Variants in GRAMD1C observed in about 807,000 individuals in gnomAD.
GRAMD1C encodes GRAM domain containing 1C.
A neutral mutation model predicts 97.8 loss-of-function variants in GRAMD1C; 89 were observed. The ratio of observed to expected loss-of-function variants is 0.91; its 90% confidence interval spans 0.77 to 1.09. GRAMD1C has a LOEUF of 1.09. Ranked by LOEUF, GRAMD1C falls within the 50% of genes least tolerant of loss-of-function variation. The probability of loss-of-function intolerance (pLI) is 0.00; values close to 1 mark genes in which losing one functional copy is unlikely to be tolerated. For synonymous variants in GRAMD1C, 256 were observed against 267.0 expected (o/e 0.96, Z 0.40); for missense variants, 740 against 766.4 (o/e 0.97, Z 0.41).
chr3:113,915,629 GA>G, intron 9 of GRAMD1C, 71 bp from the exon 10 acceptor site: 1 of 1,237,596 alleles, frequency 8.1e-7, no homozygotes, highest in Non-Finnish European at 1.1e-6. Flanking sequence ...AAAACCCCAC[GA>G]AACCCCCTAA....
At chr3:113,885,261 G>A in intron 6 of GRAMD1C, 1 of 1,268,558 alleles carries the variant, frequency 7.9e-7, no homozygotes, top group Non-Finnish European at 1.1e-6. Flanking sequence ...GCTGGGCCGT[G>A]GGGGCCTCCG....
rs76656944 is a variant in GRAMD1C at position 113,881,217 on chromosome 3, C to T, written c.460-1535C>T. ...TCGCCCAGGCTGGAATGCAGTGGCG[C>T]GATCCTAGCTCGCTGCAACCTCCGC... is the stretch of plus-strand genomic sequence containing the variant. On this transcript the variant is annotated intron_variant, in intron 5 of 17. Transcript: ENST00000358160. Among the ~76,000 whole-genome samples the T allele has an allele frequency of 4.7e-3, 713 of 152,256 alleles. 6 individuals are homozygous for T. Among genetic ancestry groups the T allele is most frequent in the African/African-American group, 0.016 (675 of 41,548 alleles).
intron 1 of GRAMD1C, among the ~76,000 whole-genome samples, chr3:113,833,110 TTC>T (rs2108060148): frequency 7.3e-6 from 1 of 137,552 alleles, no homozygotes; most frequent in African/African-American, 2.7e-5. Flanking sequence ...TTTTCTTTCT[TTC>T]TTTCTTTCTT....
At chr3:113,913,196 T>C in intron 9 of GRAMD1C, 2 of 681,858 alleles carry the variant, frequency 2.9e-6, no homozygotes, top group Non-Finnish European at 4.6e-6. Context: ...TTGTTTTCTC[T>C]TTCTCACCTG....
intron 14 of GRAMD1C, among the ~76,000 whole-genome samples, 170 bp from the exon 15 acceptor site, chr3:113,937,908 GGCAGGAAA>G (rs1409853647): frequency 6.6e-6 from 1 of 152,006 alleles, no homozygotes; most frequent in Non-Finnish European, 1.5e-5. Context: ...AGGAGGCTGA[GGCAGGAAA>G]ATTGCTTGAA....
chr3:113,849,088 G>A (rs1309088570), intron 2 of GRAMD1C, among the ~76,000 whole-genome samples: 1 of 152,028 alleles, frequency 6.6e-6, no homozygotes, highest in Non-Finnish European at 1.5e-5. Context: ...AGGCAAGGCA[G>A]ACAAAGATCT....
intron 2 of GRAMD1C, among the ~76,000 whole-genome samples, chr3:113,861,147 A>G (rs142295882): frequency 8.5e-5 from 13 of 152,230 alleles, no homozygotes; most frequent in African/African-American, 3.1e-4. Flanking sequence ...CATGCAAAGG[A>G]ATGAATTTGG....
intron 2 of GRAMD1C, among the ~76,000 whole-genome samples, chr3:113,846,646 T>C (rs1933624706): frequency 6.6e-6 from 1 of 152,204 alleles, no homozygotes; most frequent in African/African-American, 2.4e-5. Context: ...CCAGCAGATT[T>C]GGCATCATCT....
At chr3:113,913,328 C>T (rs1305820654) in intron 9 of GRAMD1C, among the ~76,000 whole-genome samples, 1 of 149,310 alleles carries the variant, frequency 6.7e-6, no homozygotes, top group African/African-American at 2.5e-5. Context: ...AGTTCGAGAC[C>T]AGTCTGGCCA....
Position 113,857,567 on chromosome 3 carries a change from G to A in GRAMD1C, c.175-11940G>A, listed in dbSNP as rs1361416738. On this transcript the variant is annotated intron_variant, in intron 2 of 17. Coordinates refer to ENST00000358160, the MANE Select transcript of GRAMD1C (RefSeq NM_017577.5). ...ATTTTTTTGTATTTTTAGTAGGGAC[G>A]GGGTTTCACCGTGTTAGCCAGGATG... Among the ~76,000 whole-genome samples the A allele has an allele frequency of 5.3e-5, 8 of 152,034 alleles. No individual in the cohort carries two copies. In the East Asian group the frequency reaches 9.7e-4, roughly 18 times the overall value.
intron 15 of GRAMD1C, chr3:113,938,740 C>T (rs898403372): frequency 6.6e-6 from 1 of 152,214 alleles, no homozygotes; most frequent in African/African-American, 2.4e-5. Context: ...TAGGAATCCA[C>T]TCAGCCAGTC....
chr3:113,861,043 C>A (rs543290907), intron 2 of GRAMD1C, among the ~76,000 whole-genome samples: 2 of 149,878 alleles, frequency 1.3e-5, no homozygotes, highest in Admixed American at 6.6e-5. Flanking sequence ...CAGAAATAAA[C>A]CCTTAAGTTT....
chr3:113,879,621 A>G (rs1935183637), intron 5 of GRAMD1C, among the ~76,000 whole-genome samples: 1 of 148,150 alleles, frequency 6.7e-6, no homozygotes, highest in African/African-American at 2.5e-5. Context: ...ACAGTTCTCC[A>G]TGTCATCCCC....
At chr3:113,834,902 T>C (rs1402929305), upstream of GRAMD1C, among the ~76,000 whole-genome samples, 2 of 150,568 alleles carry the variant, frequency 1.3e-5, no homozygotes, top group Non-Finnish European at 2.9e-5. Context: ...GTCGTGCCAT[T>C]GCACTCTAGC....
At chr3:113,846,189 C>T (rs1385129613) in intron 2 of GRAMD1C, among the ~76,000 whole-genome samples, 1 of 151,974 alleles carries the variant, frequency 6.6e-6, no homozygotes, top group Admixed American at 6.6e-5. Flanking sequence ...TCATTGCAAC[C>T]TCTGCCTCCT....
chr3:113,873,147 C>G (rs533941599), intron 3 of GRAMD1C, among the ~76,000 whole-genome samples: 55 of 142,272 alleles, frequency 3.9e-4, no homozygotes, highest in African/African-American at 1.4e-3. Flanking sequence ...TTAATCCCAG[C>G]TACTCGGTAG....
chr3:113,849,930 C>CT (rs1329452886), intron 2 of GRAMD1C, among the ~76,000 whole-genome samples: 2 of 146,880 alleles, frequency 1.4e-5, no homozygotes, highest in East Asian at 4.0e-4. Context: ...GGGCTGACCC[C>CT]CCCACCTCCC....
At chr3:113,913,142 GC>G in intron 9 of GRAMD1C, 2 of 1,259,330 alleles carry the variant, frequency 1.6e-6, no homozygotes, top group Non-Finnish European at 2.1e-6. Context: ...ATCTACTCTG[GC>G]CCCCAGTGGC....
At chr3:113,916,903 C>G (rs1456969005) in intron 10 of GRAMD1C, among the ~76,000 whole-genome samples, 1 of 152,046 alleles carries the variant, frequency 6.6e-6, no homozygotes, top group East Asian at 1.9e-4. Flanking sequence ...AATCCCAGCA[C>G]TTTGGGAGGT....
Sources: gnomAD v4.1 joint callset for allele counts (sites outside exome capture counted in the v4.1 genomes callset) on GRCh38, gnomAD v4.1.1 for gene constraint, MANE v1.5 for transcripts, NCBI Gene and HGNC (gene_info 2026-07-23, HGNC 2026-07-21) for gene names.